The following GKAP1 variants were observed in gnomAD, a reference collection of about 807,000 sequenced individuals.
GKAP1 encodes the protein G kinase-anchoring protein 1.
In GKAP1, 31 loss-of-function variants were observed where a neutral mutation model predicts 56.7. The ratio of observed to expected loss-of-function variants is 0.55; its 90% CI spans 0.41 to 0.74. GKAP1 has a LOEUF of 0.74. Among genes scored for constraint, GKAP1 ranks in the 30% least tolerant of loss-of-function variants. GKAP1 has a pLI of 0.00. For missense variants in GKAP1, 364 were observed against 402.3 expected (o/e 0.90, Z 0.82); for synonymous variants, 151 against 138.6 (o/e 1.09, Z -0.63).
intron 8 of GKAP1, among the ~76,000 whole-genome samples, chr9:83,756,470 C>CAAAAAAAAAAAAAAAAAAAAAAA (rs142896755): frequency 1.3e-5 from 1 of 75,426 alleles, no homozygotes; most frequent in African/African-American, 5.0e-5. Flanking sequence ...GACTCCATCT[C>CAAAAAAAAAAAAAAAAAAAAAAA]AAAAAAAAAA....
At chr9:83,786,369 C>A (rs1564205061) in intron 5 of GKAP1, among the ~76,000 whole-genome samples, 1 of 151,752 alleles carries the variant, frequency 6.6e-6, no homozygotes, top group African/African-American at 2.4e-5. Context: ...ATGGAGAAAC[C>A]CCGTCTCTAC....
intron 2 of GKAP1, among the ~76,000 whole-genome samples, chr9:83,807,838 G>C (rs1213479378): frequency 6.6e-6 from 1 of 152,184 alleles, no homozygotes; most frequent in Non-Finnish European, 1.5e-5. Context: ...ATACTAAGAA[G>C]TAAGGATCAT....
chr9:83,762,406 G>A (rs1943588792), intron 8 of GKAP1, among the ~76,000 whole-genome samples: 1 of 152,094 alleles, frequency 6.6e-6, no homozygotes, highest in South Asian at 2.1e-4. Flanking sequence ...CTGAAGAAGA[G>A]ATGACAAAAT....
intron 3 of GKAP1, among the ~76,000 whole-genome samples, chr9:83,802,012 A>C (rs1235731969): frequency 6.6e-6 from 1 of 152,258 alleles, no homozygotes; most frequent in Non-Finnish European, 1.5e-5. Flanking sequence ...CTTTCATTAA[A>C]TAATAAAAAG....
chr9:83,761,550 C>T (rs1654649371), intron 8 of GKAP1, among the ~76,000 whole-genome samples: 1 of 152,078 alleles, frequency 6.6e-6, no homozygotes, highest in Non-Finnish European at 1.5e-5. Flanking sequence ...GGAATATTTC[C>T]AAACTCCTTC....
intron 4 of GKAP1, 39 bp from the exon 5 acceptor site, chr9:83,788,717 T>C (rs368503398): frequency 2.4e-6 from 3 of 1,249,690 alleles, no homozygotes; most frequent in African/African-American, 1.5e-5. Context: ...GACAGTATCA[T>C]TACATCACAT....
intron 4 of GKAP1, among the ~76,000 whole-genome samples, chr9:83,794,755 T>C (rs888668896): frequency 1.3e-4 from 20 of 152,246 alleles, no homozygotes; most frequent in Non-Finnish European, 2.4e-4. Context: ...CAGTGCATCA[T>C]GCATAAAGCA....
chr9:83,775,578 G>C (rs1252750816), intron 7 of GKAP1, among the ~76,000 whole-genome samples: 2 of 151,764 alleles, frequency 1.3e-5, no homozygotes, highest in African/African-American at 4.8e-5. Flanking sequence ...AATTTTTTTT[G>C]AAAGAAAACA....
At chr9:83,787,414 A>T (rs985832596) in intron 5 of GKAP1, among the ~76,000 whole-genome samples, 1 of 151,540 alleles carries the variant, frequency 6.6e-6, no homozygotes, top group African/African-American at 2.4e-5. Context: ...TTAAAAAAAA[A>T]TTTTTAGAGA....
At chr9:83,778,391 T>C (rs972220496) in intron 7 of GKAP1, among the ~76,000 whole-genome samples, 5 of 152,220 alleles carry the variant, frequency 3.3e-5, no homozygotes, top group African/African-American at 9.6e-5. Context: ...CTGTGTCCTC[T>C]GCAGGGACAT....
In GKAP1 at chr9:83,784,837, T is replaced by A; in HGVS notation, c.440A>T (p.Glu147Val). 6.4e-7 allele frequency: 1 copy of A among 1,559,192 alleles called. No individual in the cohort carries two copies. The highest frequency in any genetic ancestry group is 2.3e-5 in the East Asian group (1 of 43,686). Residue 147 changes from glutamate to valine, a missense_variant and splice_region_variant, in exon 6 of 13, where the codon GAG becomes GTG. Transcript: ENST00000376371. ...TGAAGTATTTTCAGCATCTTCATAC[T>A]CCTAAAAAGAATTACCAACAACAAT... ...SKLEYEEHKKEYEDAENTSTQ... is the reference protein window; with the variant it reads ...SKLEYEEHKKVYEDAENTSTQ...
chr9:83,800,710 T>G (rs1355855308), intron 3 of GKAP1, among the ~76,000 whole-genome samples: 2 of 152,216 alleles, frequency 1.3e-5, no homozygotes, highest in Non-Finnish European at 1.5e-5. Context: ...CCTAACAATG[T>G]ATAAACAAAC....
intron 7 of GKAP1, among the ~76,000 whole-genome samples, chr9:83,776,094 T>G (rs1049135479): frequency 6.6e-6 from 1 of 151,998 alleles, no homozygotes; most frequent in Non-Finnish European, 1.5e-5. Context: ...AATGCCTGGA[T>G]CCAGTCAACT....
At chr9:83,812,000 A>C (rs576630019) in intron 2 of GKAP1, among the ~76,000 whole-genome samples, 1 of 152,252 alleles carries the variant, frequency 6.6e-6, no homozygotes, top group African/African-American at 2.4e-5. Flanking sequence ...AGAGAAGGAA[A>C]TGTAATTTTA....
At chr9:83,798,511 T>G (rs1944282322) in intron 4 of GKAP1, among the ~76,000 whole-genome samples, 1 of 152,098 alleles carries the variant, frequency 6.6e-6, no homozygotes, top group African/African-American at 2.4e-5. Context: ...AAACTGTCAC[T>G]GGGTATTATT....
intron 8 of GKAP1, among the ~76,000 whole-genome samples, chr9:83,755,015 A>G (rs1180968776): frequency 6.6e-6 from 1 of 152,230 alleles, no homozygotes; most frequent in Admixed American, 6.5e-5. Context: ...GTAGCATTTG[A>G]TGAAAGGTTT....
intron 7 of GKAP1, 133 bp downstream of exon 7, chr9:83,780,249 T>C: frequency 3.6e-6 from 2 of 552,298 alleles, no homozygotes; most frequent in Middle Eastern, 7.3e-4. Flanking sequence ...GAAACATGAC[T>C]GGGTTCACTC....
At position 83,812,309 on chromosome 9, in the gene GKAP1, ATATATATG is replaced by A. The variant is rs554645509; in HGVS notation, c.-44+4679_-44+4686del. The stretch of plus-strand genomic sequence containing the variant: ...TATATACGTATATATATACGTATAC[ATATATATG>A]TATATATACACACGTATATATATAC... On this transcript the variant is annotated intron_variant, in intron 2 of 12. Transcript: ENST00000376371. Among the ~76,000 whole-genome samples, 759 of 148,072 alleles carry A rather than the reference ATATATATG, an allele frequency of 5.1e-3. 1 individual carries two copies. The highest frequency in any genetic ancestry group is 8.5e-3 in the Admixed American group (125 of 14,748).
rs767083632 is a variant in GKAP1 at position 83,742,603 on chromosome 9, G to A, written c.905-3C>T. 3 of 1,605,410 alleles carry A rather than the reference G, an allele frequency of 1.9e-6. No homozygotes were observed. The East Asian group carries it at 6.7e-5, about 36-fold the overall frequency. On this transcript the variant is annotated splice_polypyrimidine_tract_variant and splice_region_variant and intron_variant, in intron 10 of 12. Coordinates refer to ENST00000376371, the MANE Select transcript of GKAP1 (RefSeq NM_025211.4). ...AAGTATTTCTGCCTTATCTTTCACT[G>A]ACAAAAAAGGAAAAACAGCAGTATA...
Sources: allele counts gnomAD v4.1 joint callset (sites outside exome capture counted in the v4.1 genomes callset), GRCh38; gene constraint gnomAD v4.1.1; transcripts MANE v1.5; gene names NCBI Gene and HGNC (gene_info 2026-07-23, HGNC 2026-07-21).